NIN: variants seen among roughly 807,000 people sequenced by gnomAD.
NIN encodes the protein ninein.
A neutral mutation model predicts 257.6 loss-of-function variants in NIN; 137 were observed. The ratio of observed to expected loss-of-function variants is 0.53; its 90% CI spans 0.46 to 0.61. The LOEUF (loss-of-function observed/expected upper bound fraction) is 0.61. NIN is among the 20% of genes least tolerant of loss of function. The pLI is 0.00. For synonymous variants in NIN, 918 were observed against 919.8 expected (o/e 1.00, Z 0.04); for missense variants, 2,439 against 2,501.2 (o/e 0.98, Z 0.53).
At chr14:50,744,735 T>C (rs964951852) in intron 22 of NIN, among the ~76,000 whole-genome samples, 3 of 152,168 alleles carry the variant, frequency 2.0e-5, no homozygotes, top group African/African-American at 4.8e-5. Context: ...CCTCAGGAGT[T>C]TGAGGTCAGT....
At chr14:50,772,213 A>T in intron 9 of NIN, 88 bp downstream of exon 9, 1 of 1,240,250 alleles carries the variant, frequency 8.1e-7, no homozygotes, top group Non-Finnish European at 1.1e-6. Context: ...AAGAAGAAAG[A>T]AAATCAAATC....
rs747548005 is a variant in NIN at position 50,792,733 on chromosome 14, G to A, written c.414C>T (p.Ile138=). Residue 138 remains isoleucine (I), a synonymous_variant, in exon 5 of 31, where the codon ATC becomes ATT. Coordinates refer to ENST00000530997, the MANE Select transcript of NIN (RefSeq NM_020921.4). The part of the protein sequence containing the change: ...PLDEEARPSH[I]PAGDCSEHWK... The stretch of plus-strand genomic sequence containing the variant: ...TTACCTCACTGCAGTCACCGGCTGG[G>A]ATGTGTGAAGGCCGCGCTTCTTCAT... 2 of 1,614,194 alleles carry A rather than the reference G, an allele frequency of 1.2e-6. No individual in the cohort carries two copies. The highest frequency in any genetic ancestry group is 1.7e-5 in the Admixed American group (1 of 60,030).
chr14:50,738,323 A>ACAAT (rs1382648071), intron 26 of NIN, 37 bp from the exon 27 acceptor site: 7 of 1,591,368 alleles, frequency 4.4e-6, no homozygotes, highest in Admixed American at 1.7e-5. Flanking sequence ...AAATGCTAAT[A>ACAAT]CAATCACCCA....
chr14:50,814,275 ACTT>A (rs930439628), intron 3 of NIN, among the ~76,000 whole-genome samples: 26 of 152,344 alleles, frequency 1.7e-4, no homozygotes, highest in Admixed American at 1.7e-3. Flanking sequence ...ACGCAAGAGA[ACTT>A]CTAGCAAATC....
chr14:50,767,023 C>T, intron 12 of NIN, 133 bp from the exon 13 acceptor site: 9 of 632,162 alleles, frequency 1.4e-5, no homozygotes, highest in South Asian at 1.4e-4. Flanking sequence ...TAGTAGACTA[C>T]AGGAGGCAAA....
In NIN at chr14:50,777,148, G is replaced by A; in HGVS notation, c.476-9C>T. 1 of 1,597,474 alleles carries A rather than the reference G, an allele frequency of 6.3e-7. No individual in the cohort carries two copies. The highest frequency in any genetic ancestry group is 1.1e-5 in the South Asian group (1 of 88,464). On this transcript the variant is annotated splice_polypyrimidine_tract_variant and intron_variant, in intron 6 of 30. Coordinates refer to ENST00000530997, the MANE Select transcript of NIN (RefSeq NM_020921.4). The stretch of plus-strand genomic sequence containing the variant: ...CCAAAACCTTAACTGGCCTGAGAGA[G>A]AAGCATATGTTGCACGGTTTCCAAA...
chr14:50,817,748 G>T (rs558503816), intron 3 of NIN, among the ~76,000 whole-genome samples: 2 of 152,170 alleles, frequency 1.3e-5, no homozygotes, highest in South Asian at 2.1e-4. Flanking sequence ...ACGGAATCTC[G>T]CTCTGTCGCC....
At chr14:50,826,005 T>C (rs935260409) in intron 2 of NIN, among the ~76,000 whole-genome samples, 3 of 152,240 alleles carry the variant, frequency 2.0e-5, no homozygotes, top group African/African-American at 4.8e-5. Context: ...AAAATGATCA[T>C]GAAGTGTCCC....
chr14:50,757,533 T>G lies in NIN; in HGVS notation c.3497A>C (p.Gln1166Pro). ...TTCAGACTCCTCTATTTTGACTTCCTGTCTCTGAACAGAGCTCGTCCCTGT... is the reference window on the plus strand; with the variant it reads ...TTCAGACTCCTCTATTTTGACTTCCGGTCTCTGAACAGAGCTCGTCCCTGT... ...GSTGTSSVQRQEVKIEESEAS... is the reference protein window; with the variant it reads ...GSTGTSSVQRPEVKIEESEAS... The change falls in exon 18 of 31, where the codon CAG becomes CCG. Residue 1166 changes from glutamine to proline, a missense_variant. By Grantham distance (76) the Gln-to-Pro change is moderately conservative. Coordinates refer to ENST00000530997, the MANE Select transcript of NIN (RefSeq NM_020921.4). 1 of 1,614,082 alleles carries G rather than the reference T, an allele frequency of 6.2e-7. No homozygotes were observed. Among genetic ancestry groups the G allele is most frequent in the Non-Finnish European group, 8.5e-7 (1 of 1,179,992 alleles).
chr14:50,793,076 T>G (rs1017913716), intron 4 of NIN, among the ~76,000 whole-genome samples, 195 bp from the exon 5 acceptor site: 1 of 152,146 alleles, frequency 6.6e-6, no homozygotes, highest in Non-Finnish European at 1.5e-5. Flanking sequence ...GAACGATTTA[T>G]GGGACCGTGA....
intron 4 of NIN, among the ~76,000 whole-genome samples, chr14:50,803,650 T>G (rs186205715): frequency 9.7e-4 from 148 of 152,304 alleles, no homozygotes; most frequent in Non-Finnish European, 1.7e-3. Context: ...GCTGTAAGAC[T>G]TCAATTAAGC....
intron 11 of NIN, 62 bp downstream of exon 11, chr14:50,770,790 C>T: frequency 1.3e-6 from 2 of 1,553,730 alleles, no homozygotes; most frequent in Non-Finnish European, 8.7e-7. Flanking sequence ...CCTGCAGCTG[C>T]AGGCGCCACT....
chr14:50,760,041 C>T lies in NIN; in HGVS notation c.2215G>A (p.Glu739Lys). Residue 739 changes from glutamate to lysine, a missense_variant, in exon 17 of 31, where the codon GAG becomes AAG. This residue lies in a region of NIN where 2,043 missense variants were observed against 2,050.2 expected (regional missense o/e 1.00). Coordinates refer to ENST00000530997, the MANE Select transcript of NIN (RefSeq NM_020921.4). ...CTCTGAAGGCCTTCCCTCTCCCGCT[C>T]AAAGCTTGCTTGAGCCTGTGTCAGT... Reference protein sequence around the residue: ...ARLTQAQASFEREREGLQSSA... With the variant: ...ARLTQAQASFKREREGLQSSA... 6.2e-7 allele frequency: 1 copy of T among 1,614,190 alleles called. No homozygotes were observed. The highest frequency in any genetic ancestry group is 8.5e-7 in the Non-Finnish European group (1 of 1,180,042).
At chr14:50,793,617 T>C (rs1035438820) in intron 4 of NIN, among the ~76,000 whole-genome samples, 1 of 152,202 alleles carries the variant, frequency 6.6e-6, no homozygotes, top group Non-Finnish European at 1.5e-5. Flanking sequence ...GAGAGTCATC[T>C]CTTGATCTTA....
At chr14:50,785,820 T>C (rs1397481370) in intron 5 of NIN, among the ~76,000 whole-genome samples, 1 of 152,222 alleles carries the variant, frequency 6.6e-6, no homozygotes, top group East Asian at 1.9e-4. Context: ...ACACACTTCC[T>C]GGGACTGTGG....
chr14:50,724,822 C>A (rs1278937513), intron 30 of NIN, among the ~76,000 whole-genome samples: 1 of 152,162 alleles, frequency 6.6e-6, no homozygotes, highest in Non-Finnish European at 1.5e-5. Context: ...TCTTAACTCT[C>A]AAGATGCAGC....
At chr14:50,733,677 A>T (rs1328047082) in intron 28 of NIN, among the ~76,000 whole-genome samples, 1 of 152,198 alleles carries the variant, frequency 6.6e-6, no homozygotes, top group East Asian at 1.9e-4. Context: ...AGGCTCTCAC[A>T]GTGACTAAGT....
intron 28 of NIN, among the ~76,000 whole-genome samples, chr14:50,734,599 AAAC>A: frequency 6.6e-6 from 1 of 152,238 alleles, no homozygotes; most frequent in Non-Finnish European, 1.5e-5. Context: ...TCCTATAATT[AAAC>A]TCGGTATTCA....
chr14:50,742,615 T>C (rs925486828), intron 24 of NIN, among the ~76,000 whole-genome samples: 1 of 152,008 alleles, frequency 6.6e-6, no homozygotes, highest in Non-Finnish European at 1.5e-5. Context: ...AGGATGGTCT[T>C]GATCTCTTGA....
Sources: gnomAD v4.1 joint callset for allele counts (sites outside exome capture counted in the v4.1 genomes callset) on GRCh38, gnomAD v4.1.1 for gene constraint, gnomAD v4.1.1 regional missense constraint, MANE v1.5 for transcripts, NCBI Gene and HGNC (gene_info 2026-07-23, HGNC 2026-07-21) for gene names.